The following SEMA4B variants were observed in gnomAD, a reference collection of about 807,000 sequenced individuals.
The protein encoded by SEMA4B is semaphorin 4B.
SEMA4B carries 55 observed loss-of-function variants against 88.1 expected under a neutral mutation model. That is an observed-to-expected ratio of 0.62 (90% CI 0.50 to 0.78). The LOEUF is 0.78. Among genes scored for constraint, SEMA4B ranks in the 30% least tolerant of loss-of-function variants. The pLI is 0.00. For synonymous variants in SEMA4B, 525 were observed against 473.6 expected (o/e 1.11, Z -1.41); for missense variants, 1,062 against 1,111.9 (o/e 0.96, Z 0.64).
chr15:90,199,637 C>T (rs1960630475), upstream of SEMA4B, among the ~76,000 whole-genome samples: 1 of 151,856 alleles, frequency 6.6e-6, no homozygotes, highest in Non-Finnish European at 1.5e-5. Context: ...CCAGCCTGGC[C>T]AACATTGTGA....
At chr15:90,225,912 G>T (rs563799111) in intron 12 of SEMA4B, 85 bp downstream of exon 12, 22 of 1,095,428 alleles carry the variant, frequency 2.0e-5, no homozygotes, top group Non-Finnish European at 2.6e-5. Flanking sequence ...CCTTGGGACC[G>T]CCACACAGCC....
intron 3 of SEMA4B, 60 bp from the exon 4 acceptor site, chr15:90,219,733 G>C (rs546448726): frequency 2.7e-5 from 36 of 1,338,044 alleles, no homozygotes; most frequent in East Asian, 2.1e-4. Context: ...GGGGCTCGGC[G>C]GTGCCCCCTG....
At chr15:90,210,285 G>T (rs1961200621) in intron 1 of SEMA4B, among the ~76,000 whole-genome samples, 1 of 152,210 alleles carries the variant, frequency 6.6e-6, no homozygotes, top group Non-Finnish European at 1.5e-5. Flanking sequence ...AGGCCCTTCT[G>T]CACTGTGGGG....
intron 1 of SEMA4B, among the ~76,000 whole-genome samples, chr15:90,213,053 CA>C (rs1414589630): frequency 1.3e-5 from 2 of 152,216 alleles, no homozygotes; most frequent in East Asian, 3.8e-4. Flanking sequence ...CACCATGCCA[CA>C]CTGCAAACCA....
upstream of SEMA4B, among the ~76,000 whole-genome samples, chr15:90,197,587 G>A (rs1283588851): frequency 1.3e-5 from 2 of 150,718 alleles, no homozygotes; most frequent in Non-Finnish European, 3.0e-5. Flanking sequence ...ACAGGCGCCC[G>A]CCACCACGCC....
rs548219461 is a variant in SEMA4B, at chr15:90,219,795, C to T, written c.387C>T (p.Arg129=). The T allele has an allele frequency of 1.1e-5, 18 of 1,612,584 alleles. No individual in the cohort carries two copies. The South Asian group carries it at 1.3e-4, about 12-fold the overall frequency. ...QCSFKGKDPQ[R]DCQNYIKILL... is the part of the protein sequence containing the mutation. ...ATCCCCTCGCTCCTTCCCCCCAGCGCGACTGTCAAAACTACATCAAGATCC... is the reference window on the plus strand; with the variant it reads ...ATCCCCTCGCTCCTTCCCCCCAGCGTGACTGTCAAAACTACATCAAGATCC... The change falls in exon 4 of 14, where the codon CGC becomes CGT. Residue 129 remains arginine (R), a splice_region_variant and synonymous_variant. Coordinates refer to ENST00000411539, the MANE Select transcript of SEMA4B (RefSeq NM_198925.4).
chr15:90,213,129 C>T (rs578200602), intron 1 of SEMA4B, among the ~76,000 whole-genome samples: 3 of 152,334 alleles, frequency 2.0e-5, no homozygotes, highest in South Asian at 2.1e-4. Flanking sequence ...TTATTATTTA[C>T]ATACGTAATC....
chr15:90,200,910 C>T (rs563223066), upstream of SEMA4B, among the ~76,000 whole-genome samples: 586 of 152,268 alleles, frequency 3.8e-3, 3 homozygotes, highest in African/African-American at 0.013. Context: ...CGAGCTCGGC[C>T]GAGTTCATTT....
chr15:90,212,935 C>G lies in SEMA4B; in HGVS notation c.158-4504C>G, dbSNP rs1051289269. 2.6e-5 allele frequency among the ~76,000 whole-genome samples: 4 copies of G among 152,286 alleles called. No homozygotes were observed. The South Asian group carries it at 6.2e-4, about 24-fold the overall frequency. ...CCCCCTGGATGAGGGAGGCCCGACT[C>G]CCGCAAGGAGCCCTGCCCTTCTGCC... On this transcript the variant is annotated intron_variant, in intron 1 of 13. Transcript: ENST00000411539. The surrounding 1 kb of genome is among the most constrained non-coding windows in gnomAD (Gnocchi z 4.0).
At chr15:90,206,632 G>C (rs1266915813) in intron 1 of SEMA4B, 1 of 643,628 alleles carries the variant, frequency 1.6e-6, no homozygotes, top group Admixed American at 2.3e-5. Flanking sequence ...TACAAGAGCT[G>C]TTGAAGACAG....
chr15:90,217,693 A>T, intron 2 of SEMA4B, 74 bp from the exon 3 acceptor site: 8 of 1,603,488 alleles, frequency 5.0e-6, no homozygotes, highest in Non-Finnish European at 6.8e-6. Context: ...TCCAAGGATG[A>T]TGCCTATGGG....
chr15:90,200,888 C>G (rs1960678668), upstream of SEMA4B, among the ~76,000 whole-genome samples: 2 of 152,288 alleles, frequency 1.3e-5, no homozygotes, highest in South Asian at 4.1e-4. Context: ...GCTGCTAGCC[C>G]CAGTGTCAGC....
chr15:90,217,604 T>C lies in SEMA4B; in HGVS notation c.321+2T>C. On this transcript the variant is annotated splice_donor_variant, in intron 2 of 13. Transcript: ENST00000411539. LOFTEE classifies it high-confidence loss of function. ...CTGCCAGGCGGGGAGTACCAGGAGGTGAGAGATGTTGCCTGGAGCTGGCTA... is the reference window on the plus strand; with the variant it reads ...CTGCCAGGCGGGGAGTACCAGGAGGCGAGAGATGTTGCCTGGAGCTGGCTA... The C allele has an allele frequency of 6.2e-7, 1 of 1,612,280 alleles. No individual in the cohort carries two copies. The highest frequency in any genetic ancestry group is 8.5e-7 in the Non-Finnish European group (1 of 1,179,276).
chr15:90,221,833 C>T (rs1460636958), intron 7 of SEMA4B, 68 bp downstream of exon 7: 2 of 1,504,034 alleles, frequency 1.3e-6, no homozygotes, highest in Non-Finnish European at 1.8e-6. Context: ...GCAAGATCAC[C>T]CACATCCATG....
rs756745467 is a variant in SEMA4B, at chr15:90,228,562, A to C, written c.2433A>C (p.Gln811His). 2.5e-6 allele frequency: 4 copies of C among 1,613,626 alleles called. No individual in the cohort carries two copies. Among genetic ancestry groups the C allele is most frequent in the Non-Finnish European group, 3.4e-6 (4 of 1,179,834 alleles). Residue 811 changes from glutamine to histidine, a missense_variant, in exon 14 of 14, where the codon CAA becomes CAC. Physicochemically the swap from Gln to His is conservative, Grantham distance 24. Transcript: ENST00000411539. ...CAGAGAAGAGGCCACTCAGCATCCA[A>C]GACAGCTTCGTGGAGGTATCCCCAG... ...TESEKRPLSI[Q>H]DSFVEVSPVC... is the part of the protein sequence containing the mutation.
At chr15:90,209,602 C>CAA in intron 1 of SEMA4B, among the ~76,000 whole-genome samples, 1 of 152,094 alleles carries the variant, frequency 6.6e-6, no homozygotes, top group Admixed American at 6.5e-5. Flanking sequence ...GAAAGACCCT[C>CAA]CTCATCATCA....
At position 90,229,573 on chromosome 15, in the gene SEMA4B, G is replaced by T; in HGVS notation, c.*930G>T. 1 of 334,106 alleles carries T rather than the reference G, an allele frequency of 3.0e-6. No individual in the cohort carries two copies. The highest frequency in any genetic ancestry group is 2.2e-5 in the South Asian group (1 of 45,258). 20.7% of individuals were successfully genotyped at this position (334,106 alleles called of 1,614,324 possible). On this transcript the variant is annotated 3_prime_UTR_variant, in exon 14 of 14. Transcript: ENST00000411539. The stretch of plus-strand genomic sequence containing the variant: ...GGATATCAACACTGCCCAGCACAGG[G>T]GCCCTGAATTTATGTGGTTTTTATA...
rs866877540 is a variant in SEMA4B, at chr15:90,229,542, T to C, written c.*899T>C. The stretch of plus-strand genomic sequence containing the variant: ...CCCTCCATCCCTCACCTTCCTCCAC[T>C]CTAAGGGATATCAACACTGCCCAGC... On this transcript the variant is annotated 3_prime_UTR_variant, in exon 14 of 14. Transcript: ENST00000411539. The C allele has an allele frequency of 7.8e-6, 3 of 386,554 alleles. No individual in the cohort carries two copies. The highest frequency in any genetic ancestry group is 3.7e-4 in the Middle Eastern group (1 of 2,718). The allele number at this position is 386,554 out of a possible 1,614,324, so 23.9% of individuals were successfully genotyped here.
intron 1 of SEMA4B, among the ~76,000 whole-genome samples, chr15:90,213,033 G>A (rs1218733963): frequency 2.6e-5 from 4 of 152,166 alleles, no homozygotes; most frequent in Non-Finnish European, 5.9e-5. Context: ...AGTGTTGGTC[G>A]CGTGCCAGAC....
Sources: gnomAD v4.1 joint callset for allele counts (sites outside exome capture counted in the v4.1 genomes callset) on GRCh38, gnomAD v4.1.1 for gene constraint, Gnocchi (gnomAD v3.1) non-coding constraint, MANE v1.5 for transcripts, NCBI Gene and HGNC (gene_info 2026-07-23, HGNC 2026-07-21) for gene names.